The following FLRT1 variants were observed in gnomAD, a reference collection of about 807,000 sequenced individuals.
The protein encoded by FLRT1 is leucine-rich repeat transmembrane protein FLRT1.
In FLRT1, 14 loss-of-function variants were observed where a neutral mutation model predicts 30.9. The ratio of observed to expected loss-of-function variants is 0.45; its 90% CI spans 0.30 to 0.71. The LOEUF (loss-of-function observed/expected upper bound fraction) is 0.71. Ranked by LOEUF, FLRT1 falls within the 30% of genes least tolerant of loss-of-function variation. FLRT1 has a pLI of 0.08. For missense variants in FLRT1, 737 were observed against 949.2 expected (o/e 0.78, Z 2.94); for synonymous variants, 368 against 430.4 (o/e 0.85, Z 1.80).
chr11:64,073,006 G>A (rs569932928), intron 1 of FLRT1, among the ~76,000 whole-genome samples: 7 of 152,140 alleles, frequency 4.6e-5, no homozygotes, highest in Non-Finnish European at 5.9e-5. Context: ...GAGAGGGGTC[G>A]GGACCCACCC....
At chr11:64,112,555 C>T (rs929725183) in intron 2 of FLRT1, among the ~76,000 whole-genome samples, 6 of 152,106 alleles carry the variant, frequency 3.9e-5, no homozygotes, top group African/African-American at 7.2e-5. Context: ...AGATAAAACA[C>T]GTAGTGTGTT....
intron 1 of FLRT1, among the ~76,000 whole-genome samples, chr11:64,080,738 C>A (rs1023558287): frequency 2.0e-5 from 3 of 152,182 alleles, no homozygotes; most frequent in African/African-American, 7.2e-5. Flanking sequence ...AGGGGACAGG[C>A]CCCCGGCTGG....
rs1303426212 is a variant in FLRT1, at chr11:64,064,537, A to G, written c.-1038+28378A>G. On this transcript the variant is annotated intron_variant, in intron 1 of 2. Coordinates refer to ENST00000682287, the MANE Select transcript of FLRT1 (RefSeq NM_013280.5). The surrounding 1 kb of genome is among the most constrained non-coding windows in gnomAD (Gnocchi z 4.5). ...GTGCATATGTACGTATGTGCCTGGCATGGTCCTTGCCTGAGTCCTGCCTGC... is the reference window on the plus strand; with the variant it reads ...GTGCATATGTACGTATGTGCCTGGCGTGGTCCTTGCCTGAGTCCTGCCTGC... 1.3e-5 allele frequency among the ~76,000 whole-genome samples: 2 copies of G among 152,094 alleles called. No individual in the cohort carries two copies. The highest frequency in any genetic ancestry group is 4.8e-5 in the African/African-American group (2 of 41,444).
chr11:64,102,071 T>C (rs1944680398), intron 1 of FLRT1, among the ~76,000 whole-genome samples: 1 of 152,200 alleles, frequency 6.6e-6, no homozygotes, highest in Admixed American at 6.5e-5. Flanking sequence ...ACAACAAGCA[T>C]TTCTCAAATC....
intron 1 of FLRT1, among the ~76,000 whole-genome samples, chr11:64,074,479 T>A (rs1489249479): frequency 2.0e-5 from 3 of 152,204 alleles, no homozygotes; most frequent in Admixed American, 1.3e-4. Flanking sequence ...CCTGTCATGT[T>A]ATAGATGAGG....
intron 1 of FLRT1, among the ~76,000 whole-genome samples, chr11:64,079,474 G>A (rs1257824490): frequency 6.6e-6 from 1 of 152,176 alleles, no homozygotes. Flanking sequence ...GGCACGCAGG[G>A]GCAGGAATGG....
chr11:64,086,221 G>A (rs1412253448), intron 1 of FLRT1, among the ~76,000 whole-genome samples: 1 of 152,184 alleles, frequency 6.6e-6, no homozygotes, highest in East Asian at 1.9e-4. Context: ...TTAGCTCAGA[G>A]CCCACCCTGC....
In FLRT1 at chr11:64,096,725, C is replaced by A. The variant is rs921664497; in HGVS notation, c.-1037-6469C>A. ...AGCCACCGCACCCTACCCTCTCCCC[C>A]TTTTGTGCCTAGAGTTGCTCTGTGA... On this transcript the variant is annotated intron_variant, in intron 1 of 2. Transcript: ENST00000682287. The surrounding 1 kb of genome is among the most constrained non-coding windows in gnomAD (Gnocchi z 4.6). Among the ~76,000 whole-genome samples, 2 of 152,216 alleles carry A rather than the reference C, an allele frequency of 1.3e-5. No homozygotes were observed. Among genetic ancestry groups the A allele is most frequent in the East Asian group, 3.8e-4 (2 of 5,204 alleles).
chr11:64,101,457 C>A (rs1178345579), intron 1 of FLRT1, among the ~76,000 whole-genome samples: 1 of 152,030 alleles, frequency 6.6e-6, no homozygotes, highest in Non-Finnish European at 1.5e-5. Flanking sequence ...GCAGCGGCCA[C>A]AGCTGACTGG....
At position 64,117,044 on chromosome 11, in the gene FLRT1, G is replaced by C. The variant is rs377020952; in HGVS notation, c.777G>C (p.Ser259=). 3.1e-6 allele frequency: 5 copies of C among 1,606,530 alleles called. No individual in the cohort carries two copies. The African/African-American group carries it at 6.7e-5, about 22-fold the overall frequency. The change falls in exon 3 of 3, where the codon TCG becomes TCC. Residue 259 remains serine, a synonymous_variant. Transcript: ENST00000682287. ...CAGAGCTCTCGCTGGTGCGCAATTCGCTGGCCGCGCCACCCCTCAACCTGC... is the reference window on the plus strand; with the variant it reads ...CAGAGCTCTCGCTGGTGCGCAATTCCCTGGCCGCGCCACCCCTCAACCTGC... The part of the protein sequence containing the change: ...NLTELSLVRN[S]LAAPPLNLPS...
chr11:64,068,427 A>G (rs1196854544), intron 1 of FLRT1, among the ~76,000 whole-genome samples: 1 of 152,250 alleles, frequency 6.6e-6, no homozygotes, highest in Non-Finnish European at 1.5e-5. Flanking sequence ...TGACCTCACC[A>G]GCTGCTAGCA....
chr11:64,110,405 G>A (rs1055114891), intron 2 of FLRT1, among the ~76,000 whole-genome samples: 2 of 151,576 alleles, frequency 1.3e-5, no homozygotes, highest in African/African-American at 2.4e-5. Flanking sequence ...AGCCGTGATC[G>A]GGCCACTGCA....
intron 1 of FLRT1, among the ~76,000 whole-genome samples, chr11:64,061,421 G>C (rs1264610587): frequency 1.3e-5 from 2 of 152,164 alleles, no homozygotes; most frequent in Non-Finnish European, 2.9e-5. Context: ...CGGCCTCCCA[G>C]GACCTTGGGG....
intron 1 of FLRT1, among the ~76,000 whole-genome samples, chr11:64,046,419 C>T (rs1006515225): frequency 1.1e-4 from 16 of 152,172 alleles, no homozygotes; most frequent in African/African-American, 1.7e-4. Context: ...TGCTGGGGTG[C>T]GAGGCTGCCC....
chr11:64,113,440 G>GGATA (rs1320295843), intron 2 of FLRT1, among the ~76,000 whole-genome samples: 1 of 151,422 alleles, frequency 6.6e-6, no homozygotes, highest in Non-Finnish European at 1.5e-5. Context: ...ATGGATGGAT[G>GGATA]GATGGATGGA....
chr11:64,037,245 A>AG (rs1943399598), intron 1 of FLRT1, among the ~76,000 whole-genome samples: 1 of 152,046 alleles, frequency 6.6e-6, no homozygotes, highest in Non-Finnish European at 1.5e-5. Context: ...CAGGTGGCTC[A>AG]GGAGTTAGGA....
chr11:64,084,474 C>A (rs987408968), intron 1 of FLRT1, among the ~76,000 whole-genome samples: 9 of 152,188 alleles, frequency 5.9e-5, no homozygotes, highest in African/African-American at 2.2e-4. Flanking sequence ...AAAGAGGCAG[C>A]GAGGGTGGGA....
At chr11:64,104,272 A>G (rs757514615) in intron 2 of FLRT1, 91 bp downstream of exon 2, 3 of 152,190 alleles carry the variant, frequency 2.0e-5, no homozygotes, top group African/African-American at 4.8e-5. Flanking sequence ...GCTGGGTTGC[A>G]CCCTCCAAAG....
At chr11:64,079,727 G>A (rs944328795) in intron 1 of FLRT1, among the ~76,000 whole-genome samples, 2 of 152,124 alleles carry the variant, frequency 1.3e-5, no homozygotes, top group African/African-American at 4.8e-5. Flanking sequence ...CAGGGAGAGA[G>A]TGGGGCGCAC....
Sources: allele counts gnomAD v4.1 joint callset (sites outside exome capture counted in the v4.1 genomes callset), GRCh38; gene constraint gnomAD v4.1.1; non-coding constraint Gnocchi (gnomAD v3.1); transcripts MANE v1.5; gene names NCBI Gene and HGNC (gene_info 2026-07-23, HGNC 2026-07-21).